TANC2: variants seen among roughly 807,000 people sequenced by gnomAD.
TANC2 encodes tetratricopeptide repeat, ankyrin repeat and coiled-coil containing 2, also known as protein TANC2.
In TANC2, 26 loss-of-function variants were observed where a neutral mutation model predicts 210.5. The observed-to-expected ratio is 0.12, with a 90% CI of 0.09 to 0.17. The LOEUF (loss-of-function observed/expected upper bound fraction) is 0.17. Ranked by LOEUF, TANC2 falls within the 10% of genes least tolerant of loss-of-function variation. The probability of loss-of-function intolerance (pLI) is 1.00; values close to 1 mark genes in which losing one functional copy is unlikely to be tolerated. For missense variants in TANC2, 2,129 were observed against 2,608.9 expected, an observed-to-expected ratio of 0.82 and a Z score of 4.01; for synonymous variants, 931 against 967.1, an observed-to-expected ratio of 0.96 and a Z score of 0.69.
intron 9 of TANC2, among the ~76,000 whole-genome samples, chr17:63,291,475 A>G (rs986622112): frequency 4.6e-5 from 7 of 152,292 alleles, no homozygotes; most frequent in African/African-American, 1.7e-4. Flanking sequence ...TGGAATGTAC[A>G]TACCCTCTGA....
chr17:63,156,693 C>A (rs2039850441), intron 5 of TANC2, among the ~76,000 whole-genome samples: 1 of 152,016 alleles, frequency 6.6e-6, no homozygotes, highest in Non-Finnish European at 1.5e-5. Flanking sequence ...CCAAACTTTC[C>A]TATCCATGTA....
At chr17:63,244,416 T>A (rs1413494406) in intron 8 of TANC2, among the ~76,000 whole-genome samples, 1 of 152,238 alleles carries the variant, frequency 6.6e-6, no homozygotes, top group African/African-American at 2.4e-5. Context: ...TCATTTTGTT[T>A]TAAATTTTCA....
intron 9 of TANC2, among the ~76,000 whole-genome samples, chr17:63,291,030 T>C (rs1457424685): frequency 6.6e-6 from 1 of 152,162 alleles, no homozygotes; most frequent in Non-Finnish European, 1.5e-5. Flanking sequence ...AAAAAATTCA[T>C]ACTGTCCTCT....
Position 63,418,493 on chromosome 17 carries a change from T to A in TANC2, c.4268+86T>A. On this transcript the variant is annotated intron_variant, in intron 27 of 27. Transcript: ENST00000689528. This position sits in a 1 kb window ranked among gnomAD's most constrained non-coding sequence, Gnocchi z 4.6. ...AGCGTCGGCCACCCTGGGGCATATG[T>A]ACCCAAATACATCTCTGTCCTTGAG... 1 of 1,135,982 alleles carries A rather than the reference T, an allele frequency of 8.8e-7. No individual in the cohort carries two copies. Among genetic ancestry groups the A allele is most frequent in the Non-Finnish European group, 1.3e-6 (1 of 785,642 alleles). 70.4% of individuals were successfully genotyped at this position (1,135,982 alleles called of 1,614,324 possible).
intron 3 of TANC2, among the ~76,000 whole-genome samples, chr17:63,086,383 C>G (rs1301819376): frequency 2.6e-5 from 4 of 152,070 alleles, no homozygotes; most frequent in African/African-American, 9.7e-5. Context: ...CTTAGGTGTT[C>G]TGTTCTTTTT....
At chr17:62,999,740 A>G (rs529515839) in intron 1 of TANC2, among the ~76,000 whole-genome samples, 1 of 152,254 alleles carries the variant, frequency 6.6e-6, no homozygotes, top group African/African-American at 2.4e-5. Flanking sequence ...CATCCCTGGT[A>G]TATGCCCAAA....
intron 9 of TANC2, among the ~76,000 whole-genome samples, chr17:63,301,439 A>C (rs1167320057): frequency 6.6e-6 from 1 of 152,140 alleles, no homozygotes; most frequent in Non-Finnish European, 1.5e-5. Context: ...ACTCTTAATT[A>C]TTACCTCAAT....
At position 63,316,465 on chromosome 17, in the gene TANC2, A is replaced by G. The variant is rs1167749067; in HGVS notation, c.1441+1796A>G. Among the ~76,000 whole-genome samples the G allele has an allele frequency of 4.6e-5, 7 of 152,166 alleles. No individual in the cohort carries two copies. The East Asian group carries it at 1.2e-3, about 25-fold the overall frequency. The stretch of plus-strand genomic sequence containing the variant: ...CCTGGGGGAGCAAAAGTTTATAGAA[A>G]ACAGCCCATGTACTCCCCAAAGCAG... On this transcript the variant is annotated intron_variant, in intron 10 of 27. Coordinates refer to ENST00000689528, the Ensembl canonical transcript of TANC2.
intron 9 of TANC2, among the ~76,000 whole-genome samples, chr17:63,303,579 T>A (rs1236544500): frequency 6.6e-6 from 1 of 152,170 alleles, no homozygotes; most frequent in Non-Finnish European, 1.5e-5. Context: ...TGTCTTGGGG[T>A]TGATCGTCTC....
chr17:63,254,460 C>CTA (rs1482905507), intron 8 of TANC2, among the ~76,000 whole-genome samples: 1 of 152,064 alleles, frequency 6.6e-6, no homozygotes, highest in Non-Finnish European at 1.5e-5. Flanking sequence ...TTTGGATGCC[C>CTA]TATATTTCTT....
intron 1 of TANC2, among the ~76,000 whole-genome samples, chr17:62,998,360 TGAAAATTCCCCC>T (rs966359946): frequency 1.3e-5 from 2 of 152,160 alleles, no homozygotes; most frequent in African/African-American, 4.8e-5. Flanking sequence ...ATGTCATCCA[TGAAAATTCCCCC>T]GACCTCACTA....
At chr17:63,057,063 A>G (rs1393944400) in intron 2 of TANC2, among the ~76,000 whole-genome samples, 1 of 152,054 alleles carries the variant, frequency 6.6e-6, no homozygotes, top group African/African-American at 2.4e-5. Flanking sequence ...CCTGGTCTGA[A>G]GTGATCCTCC....
At chr17:63,355,379 C>G in exon 14 of TANC2, 1 of 1,579,358 alleles carries the variant, frequency 6.3e-7, no homozygotes, top group Non-Finnish European at 8.6e-7. Context: ...CCAAATTTCT[C>G]TGTGATCCGA....
In TANC2 at chr17:63,029,541, A is replaced by G. The variant is rs183490799; in HGVS notation, c.67+19915A>G. Reference sequence around the variant, plus strand: ...TGAAATAATTTACAAACCCTTTAGAACAGTGCTGTTCAGTACAACTTTCTC... The same window carrying G: ...TGAAATAATTTACAAACCCTTTAGAGCAGTGCTGTTCAGTACAACTTTCTC... On this transcript the variant is annotated intron_variant, in intron 2 of 27. Transcript: ENST00000689528. 5.3e-5 allele frequency among the ~76,000 whole-genome samples: 8 copies of G among 152,274 alleles called. No individual in the cohort carries two copies. In the East Asian group the frequency reaches 1.2e-3, roughly 22 times the overall value.
intron 7 of TANC2, among the ~76,000 whole-genome samples, chr17:63,215,393 C>T (rs192545502): frequency 6.6e-6 from 1 of 151,994 alleles, no homozygotes; most frequent in Non-Finnish European, 1.5e-5. Flanking sequence ...TCCTAAATAC[C>T]TTTGAATTTT....
rs368265287 is a variant in TANC2, at chr17:63,076,458, AAG to A, written c.139+2447_139+2448del. ...CCAAAAAAAGGAAGATAAAAGAAGA[AAG>A]AGGAAATTTAGTCATCAGAGATTCC... is the stretch of plus-strand genomic sequence containing the variant. On this transcript the variant is annotated intron_variant, in intron 3 of 27. Transcript: ENST00000689528. Among the ~76,000 whole-genome samples, 65 of 152,334 alleles carry A rather than the reference AAG, an allele frequency of 4.3e-4. 2 individuals are homozygous for A. The East Asian group carries it at 6.6e-3, about 15-fold the overall frequency.
At chr17:63,200,627 C>A in intron 6 of TANC2, 144 bp from the exon 7 acceptor site, 1 of 673,692 alleles carries the variant, frequency 1.5e-6, no homozygotes, top group Non-Finnish European at 2.4e-6. Flanking sequence ...AGTCCTTATC[C>A]GAGAAAGCAA....
At chr17:63,142,548 T>C (rs1240714293) in intron 4 of TANC2, among the ~76,000 whole-genome samples, 5 of 152,154 alleles carry the variant, frequency 3.3e-5, no homozygotes, top group African/African-American at 1.2e-4. Flanking sequence ...AGAATTAAAT[T>C]CTCGTTTCAT....
intron 9 of TANC2, among the ~76,000 whole-genome samples, chr17:63,292,986 C>T (rs976543312): frequency 1.3e-5 from 2 of 152,154 alleles, no homozygotes; most frequent in Admixed American, 6.5e-5. Flanking sequence ...CCCAAAAAAG[C>T]GATTCTGCTT....
Sources: allele counts gnomAD v4.1 joint callset (sites outside exome capture counted in the v4.1 genomes callset), GRCh38; gene constraint gnomAD v4.1.1; non-coding constraint Gnocchi (gnomAD v3.1); transcripts MANE v1.5; gene names NCBI Gene and HGNC (gene_info 2026-07-23, HGNC 2026-07-21).